Variants in C12orf76 observed in about 807,000 individuals in gnomAD.
The protein encoded by C12orf76 is uncharacterized protein C12orf76.
A neutral mutation model predicts 6.8 loss-of-function variants in C12orf76; 6 were observed. The ratio of observed to expected loss-of-function variants is 0.88; its 90% CI spans 0.48 to 1.73. C12orf76 has a LOEUF of 1.73. Ranked by LOEUF, C12orf76 falls within the 40% of genes most tolerant of loss-of-function variation. C12orf76 has a pLI of 0.01. For synonymous variants in C12orf76, 56 were observed against 43.7 expected, an observed-to-expected ratio of 1.28 and a Z score of -1.11; for missense variants, 99 against 98.2, an observed-to-expected ratio of 1.01 and a Z score of -0.03.
chr12:110,056,944 T>C (rs1194328725), intron 4 of C12orf76: 5 of 470,216 alleles, frequency 1.1e-5, no homozygotes, highest in Non-Finnish European at 1.9e-5. Context: ...TAGTCTCGAA[T>C]ATGTCTTTAT....
intron 4 of C12orf76, among the ~76,000 whole-genome samples, chr12:110,055,660 C>T (rs1288257839): frequency 1.3e-5 from 2 of 152,104 alleles, no homozygotes; most frequent in Non-Finnish European, 2.9e-5. Flanking sequence ...TTTATTATTA[C>T]TCAAATCTGT....
At position 110,048,395 on chromosome 12, in the gene C12orf76, C is replaced by T; in HGVS notation, c.101G>A (p.Arg34Gln). 6.6e-7 allele frequency: 1 copy of T among 1,515,916 alleles called. No individual in the cohort carries two copies. The highest frequency in any genetic ancestry group is 8.8e-7 in the Non-Finnish European group (1 of 1,137,176). The allele number at this position is 1,515,916 out of a possible 1,614,324, so 93.9% of individuals were successfully genotyped here. Reference protein sequence around the residue: ...PSPVDPLERSRPYAVLRGQNL... With the variant: ...PSPVDPLERSQPYAVLRGQNL... ...CTGCCCTCGCAGCACCGCGTACGGC[C>T]GGCTCCGCTCCAGCGGATCCACGGG... The change falls in exon 1 of 2, where the codon CGG becomes CAG. Residue 34 changes from arginine to glutamine, a missense_variant. Coordinates refer to ENST00000615315, the MANE Select transcript of C12orf76 (RefSeq NM_001389625.1).
At chr12:110,048,574 C>A, upstream of C12orf76, 15 of 1,338,060 alleles carry the variant, frequency 1.1e-5, no homozygotes, top group Non-Finnish European at 1.3e-5. Context: ...CTCTCTGCGT[C>A]GCTGCCACCG....
intron 2 of C12orf76, chr12:110,065,743 T>A: frequency 6.4e-7 from 1 of 1,565,068 alleles, no homozygotes; most frequent in Non-Finnish European, 8.8e-7. Context: ...GAAACATGAG[T>A]CAGATGGTTT....
At chr12:110,072,723 G>T (rs1892974362) in intron 1 of C12orf76, among the ~76,000 whole-genome samples, 2 of 152,100 alleles carry the variant, frequency 1.3e-5, no homozygotes, top group Admixed American at 1.3e-4. Flanking sequence ...AGGAGTTCTA[G>T]ACCAGCCTGG....
chr12:110,062,512 A>T (rs1377030331), intron 2 of C12orf76, among the ~76,000 whole-genome samples: 1 of 152,164 alleles, frequency 6.6e-6, no homozygotes, highest in African/African-American at 2.4e-5. Context: ...GTAATGGTTG[A>T]ACAACTTGGT....
At chr12:110,063,996 C>T (rs1487663138) in intron 2 of C12orf76, among the ~76,000 whole-genome samples, 5 of 152,138 alleles carry the variant, frequency 3.3e-5, no homozygotes, top group African/African-American at 9.7e-5. Flanking sequence ...GAACTCAGCC[C>T]GCTGATGCCT....
chr12:110,064,011 T>A (rs929781848), intron 2 of C12orf76, among the ~76,000 whole-genome samples: 2 of 152,176 alleles, frequency 1.3e-5, no homozygotes, highest in African/African-American at 4.8e-5. Context: ...ATGCCTTGAT[T>A]TAGGCCTGTG....
upstream of C12orf76, among the ~76,000 whole-genome samples, chr12:110,053,361 T>A (rs1892616146): frequency 6.6e-6 from 1 of 151,856 alleles, no homozygotes; most frequent in Admixed American, 6.6e-5. Context: ...TAGCCAGGTT[T>A]GGTGGTGTGC....
At chr12:110,043,131 C>G (rs1419024997) in intron 1 of C12orf76, among the ~76,000 whole-genome samples, 1 of 151,834 alleles carries the variant, frequency 6.6e-6, no homozygotes, top group Non-Finnish European at 1.5e-5. Flanking sequence ...GAGCATGCTG[C>G]AGGCCCACAG....
chr12:110,057,193 G>A (rs1205429439), exon 4 of C12orf76: 1 of 1,605,338 alleles, frequency 6.2e-7, no homozygotes, highest in Admixed American at 1.7e-5. Context: ...ACTTACCTTG[G>A]CATTGCAGGT....
At chr12:110,059,304 C>T in intron 2 of C12orf76, 1 of 1,051,138 alleles carries the variant, frequency 9.5e-7, no homozygotes, top group Middle Eastern at 3.3e-4. Flanking sequence ...TGGGATTGTG[C>T]CATCTGTGAT....
chr12:110,073,389 A>T (rs1470296710), intron 1 of C12orf76: 3 of 514,908 alleles, frequency 5.8e-6, no homozygotes, highest in Non-Finnish European at 1.2e-5. Context: ...CAACCACTGC[A>T]GAGATCTGGG....
At chr12:110,052,176 A>G (rs563319771), upstream of C12orf76, among the ~76,000 whole-genome samples, 672 of 148,392 alleles carry the variant, frequency 4.5e-3, 9 homozygotes, top group South Asian at 9.6e-3. Flanking sequence ...GATTACAGGC[A>G]TGAGCCACCG....
At chr12:110,065,295 C>A (rs915038287) in intron 2 of C12orf76, among the ~76,000 whole-genome samples, 1 of 151,736 alleles carries the variant, frequency 6.6e-6, no homozygotes, top group African/African-American at 2.4e-5. Context: ...CTCAGCCTCC[C>A]GAGTAGCTGG....
exon 1 of C12orf76, chr12:110,067,671 CG>C (rs1593252079): frequency 9.0e-6 from 6 of 663,402 alleles, no homozygotes; most frequent in Non-Finnish European, 1.1e-5. Context: ...CCACTGCACC[CG>C]GCCGGCTCAG....
In C12orf76 at chr12:110,042,421, C is replaced by G; in HGVS notation, c.172G>C (p.Val58Leu). ...TAGACACAAAATGCCATAAGGATGACAGTCACCAGCAGGATGCTGAAAATG... is the reference window on the plus strand; with the variant it reads ...TAGACACAAAATGCCATAAGGATGAGAGTCACCAGCAGGATGCTGAAAATG... Reference protein sequence around the residue: ...GTIFSILLVTVILMAFCVYKP... With the variant: ...GTIFSILLVTLILMAFCVYKP... The change falls in exon 2 of 2, where the codon GTC becomes CTC. Residue 58 changes from valine to leucine, a missense_variant. Coordinates refer to ENST00000615315, the MANE Select transcript of C12orf76 (RefSeq NM_001389625.1). The G allele has an allele frequency of 6.2e-7, 1 of 1,614,120 alleles. No homozygotes were observed.
upstream of C12orf76, among the ~76,000 whole-genome samples, chr12:110,068,315 A>AGAAGAAGAAGAG (rs1409173846): frequency 2.8e-5 from 4 of 144,602 alleles, no homozygotes; most frequent in African/African-American, 1.0e-4. Flanking sequence ...AAGAAGAAGA[A>AGAAGAAGAAGAG]GAAGAAGAAG....
chr12:110,057,283 C>T, exon 4 of C12orf76: 1 of 1,612,420 alleles, frequency 6.2e-7, no homozygotes, highest in East Asian at 2.2e-5. Context: ...AAGTTCCTCT[C>T]CCCCTTACAG....
Sources: allele counts gnomAD v4.1 joint callset (sites outside exome capture counted in the v4.1 genomes callset), GRCh38; gene constraint gnomAD v4.1.1; transcripts MANE v1.5; gene names NCBI Gene and HGNC (gene_info 2026-07-23, HGNC 2026-07-21).